The following CYB5B variants were observed in gnomAD, a reference collection of about 807,000 sequenced individuals.
CYB5B encodes the protein cytochrome b5 type B (outer mitochondrial membrane).
A neutral mutation model predicts 21.3 loss-of-function variants in CYB5B; 14 were observed. The observed-to-expected ratio is 0.66, with a 90% CI of 0.43 to 1.03. The LOEUF is 1.03. Among genes scored for constraint, CYB5B ranks in the 50% least tolerant of loss-of-function variants. The pLI is 0.00. For synonymous variants in CYB5B, 69 were observed against 68.4 expected (o/e 1.01, Z -0.04); for missense variants, 166 against 185.1 (o/e 0.90, Z 0.60).
At chr16:69,448,221 TAAC>T (rs1353183544) in intron 3 of CYB5B, 77 bp downstream of exon 3, 1 of 1,515,332 alleles carries the variant, frequency 6.6e-7, no homozygotes, top group African/African-American at 1.4e-5. Flanking sequence ...CATTTTTTCT[TAAC>T]AAGAGAAGTT....
intron 3 of CYB5B, among the ~76,000 whole-genome samples, chr16:69,453,026 T>C (rs996754654): frequency 6.6e-6 from 1 of 152,140 alleles, no homozygotes; most frequent in Admixed American, 6.5e-5. Context: ...TTTCTCATTT[T>C]TTAAGTAGAT....
intron 2 of CYB5B, among the ~76,000 whole-genome samples, chr16:69,447,777 A>G (rs1033669567): frequency 3.3e-5 from 5 of 152,206 alleles, no homozygotes; most frequent in African/African-American, 1.2e-4. Context: ...TAATATCTCT[A>G]AAAAGCTAAG....
intron 3 of CYB5B, among the ~76,000 whole-genome samples, chr16:69,450,391 T>C (rs1231825429): frequency 6.6e-6 from 1 of 152,200 alleles, no homozygotes; most frequent in African/African-American, 2.4e-5. Flanking sequence ...GTGTTTTCAA[T>C]CCTGTTTTCC....
intron 1 of CYB5B, among the ~76,000 whole-genome samples, chr16:69,434,966 G>A (rs78784055): frequency 0.17 from 26,237 of 151,890 alleles, 2,383 homozygotes; most frequent in Middle Eastern, 0.25. Context: ...TCTTTCCATG[G>A]GCTTATTGGC....
chr16:69,425,353 C>T (rs371777446), intron 1 of CYB5B, among the ~76,000 whole-genome samples: 1 of 99,714 alleles, frequency 1.0e-5, no homozygotes. Flanking sequence ...TATGCCTCCA[C>T]TGTTTTTTTT....
intron 4 of CYB5B, among the ~76,000 whole-genome samples, chr16:69,459,733 C>G (rs1177208138): frequency 6.6e-6 from 1 of 152,034 alleles, no homozygotes; most frequent in Non-Finnish European, 1.5e-5. Context: ...ATAGAGCTAG[C>G]CATTCTATTT....
In CYB5B at chr16:69,464,684, G is replaced by C. The variant is rs1172501030; in HGVS notation, c.*2164G>C. 6.6e-6 allele frequency: 1 copy of C among 152,582 alleles called. No individual in the cohort carries two copies. The highest frequency in any genetic ancestry group is 1.5e-5 in the Non-Finnish European group (1 of 68,026). 9.5% of individuals were successfully genotyped at this position (152,582 alleles called of 1,614,324 possible). A position where few individuals can be genotyped will look rare whatever the true frequency, so the allele number is the denominator to read the frequency against. On this transcript the variant is annotated 3_prime_UTR_variant, in exon 5 of 5. Transcript: ENST00000307892. ...AAGAACTACCATCTTAAGTAAAATT[G>C]GTGTTTTTGTTATTTTTAAGGTAAA...
chr16:69,457,866 C>T (rs1404165778), intron 3 of CYB5B, among the ~76,000 whole-genome samples: 2 of 152,254 alleles, frequency 1.3e-5, no homozygotes, highest in South Asian at 4.1e-4. Context: ...ATTTCATGGA[C>T]TGCTCTAAAG....
chr16:69,430,661 G>C (rs1395364109), intron 1 of CYB5B, among the ~76,000 whole-genome samples: 1 of 143,412 alleles, frequency 7.0e-6, no homozygotes, highest in African/African-American at 2.6e-5. Flanking sequence ...ATAACATTGT[G>C]ATATTTTAAA....
intron 3 of CYB5B, among the ~76,000 whole-genome samples, chr16:69,457,094 T>G (rs1567475692): frequency 6.6e-6 from 1 of 152,206 alleles, no homozygotes; most frequent in Non-Finnish European, 1.5e-5. Context: ...AGGCACATTT[T>G]GCAGTACTTA....
At chr16:69,445,018 C>G (rs924316526) in intron 1 of CYB5B, among the ~76,000 whole-genome samples, 1 of 152,172 alleles carries the variant, frequency 6.6e-6, no homozygotes, top group African/African-American at 2.4e-5. Flanking sequence ...GTAGAAAGAA[C>G]TGTGTAGCAA....
chr16:69,428,860 C>G (rs1343628625), intron 1 of CYB5B, among the ~76,000 whole-genome samples: 2 of 152,084 alleles, frequency 1.3e-5, no homozygotes, highest in Admixed American at 6.6e-5. Context: ...GAAACAAGTT[C>G]AAAGGCCTTG....
chr16:69,457,329 T>C (rs746445917), intron 3 of CYB5B, among the ~76,000 whole-genome samples: 4 of 152,216 alleles, frequency 2.6e-5, no homozygotes, highest in Non-Finnish European at 2.9e-5. Flanking sequence ...ATTTTTACTC[T>C]AATTATAGAT....
In CYB5B at chr16:69,438,002, C is replaced by T. The variant is rs139684232; in HGVS notation, c.175-9148C>T. 2.1e-3 allele frequency among the ~76,000 whole-genome samples: 325 copies of T among 152,218 alleles called. 5 individuals are homozygous for T. The Middle Eastern group carries it at 0.054, about 25-fold the overall frequency. On this transcript the variant is annotated intron_variant, in intron 1 of 4. Coordinates refer to ENST00000307892, the MANE Select transcript of CYB5B (RefSeq NM_030579.3). Reference sequence around the variant, plus strand: ...TCATGTTGCTGTGCAATCATCAGTACCATCTATCTCCAGAATTTTTCATTA... The same window carrying T: ...TCATGTTGCTGTGCAATCATCAGTATCATCTATCTCCAGAATTTTTCATTA...
rs1409266837 is a variant in CYB5B at position 69,464,747 on chromosome 16, G to T, written c.*2227G>T. The stretch of plus-strand genomic sequence containing the variant: ...AGGTATGTTTTTCTACTTCACATTG[G>T]TTTTCTTTTCCTGTTTACATCTGCA... On this transcript the variant is annotated 3_prime_UTR_variant, in exon 5 of 5. Transcript: ENST00000307892. The T allele has an allele frequency of 6.6e-6, 1 of 152,604 alleles. No individual in the cohort carries two copies. The highest frequency in any genetic ancestry group is 2.4e-5 in the African/African-American group (1 of 41,428). 9.5% of individuals were successfully genotyped at this position (152,604 alleles called of 1,614,324 possible). A position where few individuals can be genotyped will look rare whatever the true frequency, so the allele number is the denominator to read the frequency against.
In CYB5B at chr16:69,466,108, AC is replaced by A. The variant is rs1377794661; in HGVS notation, c.*3589del. The A allele has an allele frequency of 6.6e-6, 1 of 152,564 alleles. No individual in the cohort carries two copies. The highest frequency in any genetic ancestry group is 2.4e-5 in the African/African-American group (1 of 41,400). The allele number at this position is 152,564 out of a possible 1,614,324, so 9.5% of individuals were successfully genotyped here. ...TTTTTAACTTCACCTTTGACTATGAACAAGTAACGGTAACATTCCTTTTGTG... is the reference window on the plus strand; with the variant it reads ...TTTTTAACTTCACCTTTGACTATGAAAAGTAACGGTAACATTCCTTTTGTG... On this transcript the variant is annotated 3_prime_UTR_variant, in exon 5 of 5. Transcript: ENST00000307892.
At chr16:69,437,377 A>G (rs914406343) in intron 1 of CYB5B, among the ~76,000 whole-genome samples, 1 of 152,152 alleles carries the variant, frequency 6.6e-6, no homozygotes, top group Non-Finnish European at 1.5e-5. Context: ...CAAATCCTAG[A>G]AAAAAATGGG....
At chr16:69,440,745 C>CGTGTGTGTGTGTGTGTGTGT (rs56008000) in intron 1 of CYB5B, among the ~76,000 whole-genome samples, 8,375 of 146,328 alleles carry the variant, frequency 0.057, 286 homozygotes, top group Middle Eastern at 0.11. Flanking sequence ...GTGTGTGTTG[C>CGTGTGTGTGTGTGTGTGTGT]GTGTGTGTGT....
In CYB5B at chr16:69,454,876, T is replaced by A. The variant is rs377288819; in HGVS notation, c.334-4217T>A. On this transcript the variant is annotated intron_variant, in intron 3 of 4. Transcript: ENST00000307892. ...TATAGGCTGAAGGTATAATGCCCTG[T>A]TTTTTGGGGTTTTTGTTTTGTTTTG... Among the ~76,000 whole-genome samples, 24 of 152,198 alleles carry A rather than the reference T, an allele frequency of 1.6e-4. No individual in the cohort carries two copies. In the East Asian group the frequency reaches 2.1e-3, roughly 13 times the overall value.
Sources: allele counts gnomAD v4.1 joint callset (sites outside exome capture counted in the v4.1 genomes callset), GRCh38; gene constraint gnomAD v4.1.1; transcripts MANE v1.5; gene names NCBI Gene and HGNC (gene_info 2026-07-23, HGNC 2026-07-21).